EXOC3: variants seen among roughly 807,000 people sequenced by gnomAD.
EXOC3 encodes exocyst complex component 3.
A neutral mutation model predicts 73.7 loss-of-function variants in EXOC3; 21 were observed. That is an observed-to-expected ratio of 0.29 (90% CI 0.20 to 0.41). The LOEUF (loss-of-function observed/expected upper bound fraction) is 0.41, where lower values mean the gene tolerates loss of function less well. EXOC3 is among the 10% of genes least tolerant of loss of function. EXOC3 has a pLI of 1.00. For synonymous variants in EXOC3, 410 were observed against 389.1 expected, an observed-to-expected ratio of 1.05 and a Z score of -0.63; for missense variants, 842 against 985.1, an observed-to-expected ratio of 0.85 and a Z score of 1.95.
chr5:457,555 A>G lies in EXOC3; in HGVS notation c.1165-345A>G, dbSNP rs188475866. On this transcript the variant is annotated intron_variant, in intron 5 of 12. Coordinates refer to ENST00000512944, the MANE Select transcript of EXOC3 (RefSeq NM_007277.5). ...GCTGCTGTGGTTGCTGAGTCTGGGC[A>G]TGGGAACAGGCCTGACCGGACCTGG... 358 of 247,936 alleles carry G rather than the reference A, an allele frequency of 1.4e-3. 5 individuals carry two copies. In the South Asian group the frequency reaches 0.02, roughly 14 times the overall value. 15.4% of individuals were successfully genotyped at this position (247,936 alleles called of 1,614,324 possible).
chr5:456,003 C>T (rs761091066), intron 4 of EXOC3, among the ~76,000 whole-genome samples: 1 of 152,198 alleles, frequency 6.6e-6, no homozygotes, highest in Non-Finnish European at 1.5e-5. Context: ...CTTGCGGATG[C>T]GTTTTTATCA....
At chr5:448,125 C>T (rs978488160) in intron 3 of EXOC3, among the ~76,000 whole-genome samples, 20 of 152,188 alleles carry the variant, frequency 1.3e-4, no homozygotes, top group African/African-American at 4.6e-4. Context: ...AGAAGCCACC[C>T]TGTGCATGGG....
At position 466,932 on chromosome 5, in the gene EXOC3, GCCT is replaced by G. The variant is rs1738170388; in HGVS notation, c.*36_*38del. ...GGCCTGCCCTGCTCGCCCCTCCACA[GCCT>G]CGGTCCCTGCCTTTAGAAACGCGGG... is the stretch of plus-strand genomic sequence containing the variant. On this transcript the variant is annotated 3_prime_UTR_variant, in exon 13 of 13. Transcript: ENST00000512944. 2 of 1,557,512 alleles carry G rather than the reference GCCT, an allele frequency of 1.3e-6. No homozygotes were observed. Among genetic ancestry groups the G allele is most frequent in the Middle Eastern group, 3.4e-4 (2 of 5,928 alleles).
intron 12 of EXOC3, 165 bp downstream of exon 12, chr5:466,010 T>G (rs9313086): frequency 0.69 from 468,269 of 680,060 alleles, 162,093 homozygotes; most frequent in African/African-American, 0.83. Context: ...GGAGCAGAGC[T>G]GCTTCTGTGC....
chr5:463,403 T>C (rs1331678164), intron 9 of EXOC3, among the ~76,000 whole-genome samples: 1 of 152,226 alleles, frequency 6.6e-6, no homozygotes, highest in Non-Finnish European at 1.5e-5. Context: ...ACCAGTGTCC[T>C]CATCGTGAAA....
chr5:466,929 A>G lies in EXOC3; in HGVS notation c.*31A>G, dbSNP rs1340577419. On this transcript the variant is annotated 3_prime_UTR_variant, in exon 13 of 13. Coordinates refer to ENST00000512944, the MANE Select transcript of EXOC3 (RefSeq NM_007277.5). The stretch of plus-strand genomic sequence containing the variant: ...GCCGGCCTGCCCTGCTCGCCCCTCC[A>G]CAGCCTCGGTCCCTGCCTTTAGAAA... The G allele has an allele frequency of 3.2e-6, 5 of 1,563,036 alleles. No individual in the cohort carries two copies. Among genetic ancestry groups the G allele is most frequent in the Non-Finnish European group, 4.3e-6 (5 of 1,152,950 alleles).
intron 12 of EXOC3, chr5:466,471 C>G (rs951568371): frequency 1.0e-5 from 5 of 494,992 alleles, no homozygotes; most frequent in Non-Finnish European, 1.4e-5. Flanking sequence ...TCTCCACGGT[C>G]TCCCCTCTGG....
chr5:458,534 T>TG (rs1241903171), intron 6 of EXOC3, among the ~76,000 whole-genome samples: 1 of 152,222 alleles, frequency 6.6e-6, no homozygotes, highest in African/African-American at 2.4e-5. Flanking sequence ...GTTGCTTTCC[T>TG]GTTCATTGGT....
intron 9 of EXOC3, chr5:462,536 A>G: frequency 1.8e-6 from 1 of 546,374 alleles, no homozygotes; most frequent in East Asian, 3.0e-5. Context: ...CCCTGTAAGT[A>G]TTAAAGACAT....
chr5:459,489 C>T, intron 7 of EXOC3, 30 bp downstream of exon 7: 1 of 1,206,950 alleles, frequency 8.3e-7, no homozygotes, highest in Non-Finnish European at 1.2e-6. Context: ...TGCTAATGTA[C>T]ACATTGAATG....
intron 12 of EXOC3, chr5:466,078 C>CCG: frequency 5.1e-6 from 1 of 197,804 alleles, no homozygotes; most frequent in Non-Finnish European, 9.9e-6. Context: ...GGGCACATCC[C>CCG]GGGTGGGGAC....
chr5:457,507 C>T (rs931605279), intron 5 of EXOC3: 7 of 224,150 alleles, frequency 3.1e-5, no homozygotes, highest in Non-Finnish European at 4.5e-5. Context: ...GGGGAAGGAG[C>T]GCTGTCTTCT....
intron 12 of EXOC3, chr5:466,487 C>T (rs915186043): frequency 3.8e-6 from 2 of 525,290 alleles, no homozygotes; most frequent in African/African-American, 3.8e-5. Context: ...TCTGGTTGGG[C>T]CGGAACAAAG....
Position 462,039 on chromosome 5 carries a change from A to T in EXOC3, c.1471A>T (p.Ile491Phe), listed in dbSNP as rs1176024003. 1 of 1,609,812 alleles carries T rather than the reference A, an allele frequency of 6.2e-7. No individual in the cohort carries two copies. ...QHPHCYVQYM[I>F]AIINNCQTFK... Reference sequence around the variant, plus strand: ...CCCTCACTGCTACGTTCAGTACATGATCGCCATCATCAACAACTGCCAGAC... The same window carrying T: ...CCCTCACTGCTACGTTCAGTACATGTTCGCCATCATCAACAACTGCCAGAC... The change falls in exon 8 of 13, where the codon ATC becomes TTC. Residue 491 changes from isoleucine to phenylalanine, a missense_variant. Coordinates refer to ENST00000512944, the MANE Select transcript of EXOC3 (RefSeq NM_007277.5).
intron 1 of EXOC3, among the ~76,000 whole-genome samples, chr5:445,510 C>T (rs1737480876): frequency 2.6e-5 from 4 of 152,120 alleles, no homozygotes; most frequent in Admixed American, 2.6e-4. Context: ...CCAACATGCC[C>T]AGCTAATTTT....
intron 1 of EXOC3, chr5:444,995 C>T (rs1015864909): frequency 6.6e-6 from 1 of 152,090 alleles, no homozygotes; most frequent in Non-Finnish European, 1.5e-5. Context: ...CAATGTAGGT[C>T]CAGATGAAAA....
rs539873791 is a variant in EXOC3, at chr5:446,862, G to GA, written c.144+523dup. Among the ~76,000 whole-genome samples, 63 of 146,470 alleles carry GA rather than the reference G, an allele frequency of 4.3e-4. 1 individual carries two copies. The highest frequency in any genetic ancestry group is 1.1e-3 in the African/African-American group (42 of 39,748). ...ACAGAGTGAGACTCTGTCTCAAAAA[G>GA]AAAAAAAAAACACAGAAACAAAAAC... On this transcript the variant is annotated intron_variant, in intron 2 of 12. Transcript: ENST00000512944.
chr5:462,516 A>G (rs534184510), intron 9 of EXOC3: 2 of 578,562 alleles, frequency 3.5e-6, no homozygotes, highest in South Asian at 2.1e-5. Flanking sequence ...CGCACAATTC[A>G]GTAGATTCAC....
intron 1 of EXOC3, among the ~76,000 whole-genome samples, chr5:443,966 G>A (rs966432570): frequency 6.6e-6 from 1 of 151,244 alleles, no homozygotes; most frequent in Non-Finnish European, 1.5e-5. Flanking sequence ...GTCCTCCAGC[G>A]GAGTGTCCCC....
Sources: allele counts gnomAD v4.1 joint callset (sites outside exome capture counted in the v4.1 genomes callset), GRCh38; gene constraint gnomAD v4.1.1; transcripts MANE v1.5; gene names NCBI Gene and HGNC (gene_info 2026-07-23, HGNC 2026-07-21).